The following RSRP1 variants were observed in gnomAD, a reference collection of about 807,000 sequenced individuals.
RSRP1 encodes arginine/serine-rich protein 1.
A neutral mutation model predicts 33.0 loss-of-function variants in RSRP1; 37 were observed. The observed-to-expected ratio is 1.12, with a 90% CI of 0.86 to 1.48. RSRP1 has a LOEUF of 1.48. Among genes scored for constraint, RSRP1 ranks in the 40% most tolerant of loss-of-function variants. RSRP1 has a pLI of 0.00. For synonymous variants in RSRP1, 167 were observed against 158.7 expected, an observed-to-expected ratio of 1.05 and a Z score of -0.40; for missense variants, 402 against 385.3, an observed-to-expected ratio of 1.04 and a Z score of -0.36.
intron 1 of RSRP1, among the ~76,000 whole-genome samples, chr1:25,321,033 G>A (rs548280011): frequency 7.6e-6 from 1 of 131,402 alleles, no homozygotes; most frequent in South Asian, 2.3e-4. Context: ...AACAGAATGA[G>A]ACTCTGTCCC....
At chr1:25,252,893 T>C (rs961572698) in intron 1 of RSRP1, among the ~76,000 whole-genome samples, 2 of 152,128 alleles carry the variant, frequency 1.3e-5, no homozygotes, top group African/African-American at 2.4e-5. Flanking sequence ...CTTTTGTCAT[T>C]GGACTCAAGG....
rs1287033250 is a variant in RSRP1, at chr1:25,299,319, T to C, written c.-67+38659A>G. 1.5e-5 allele frequency among the ~76,000 whole-genome samples: 2 copies of C among 129,706 alleles called. 1 individual carries two copies. Among genetic ancestry groups the C allele is most frequent in the African/African-American group, 5.3e-5 (2 of 37,692 alleles). The allele number at this position is 129,706 out of a possible 152,430, so 85.1% of individuals were successfully genotyped here. ...ATCGCTTGAACCCAACGGGTGGAGG[T>C]TGCAGTGAGCCAAGATGGCACCAGT... On this transcript the variant is annotated intron_variant, in intron 1 of 1. Coordinates refer to the RSRP1 transcript ENST00000561867.
In RSRP1 at chr1:25,306,444, A is replaced by C. The variant is rs1643842321; in HGVS notation, c.-67+31534T>G. 40 of 729,588 alleles carry C rather than the reference A, an allele frequency of 5.5e-5. 1 individual carries two copies. The highest frequency in any genetic ancestry group is 8.7e-5 in the Non-Finnish European group (36 of 414,184). 45.2% of individuals were successfully genotyped at this position (729,588 alleles called of 1,614,324 possible). On this transcript the variant is annotated intron_variant, in intron 1 of 1. Coordinates refer to the RSRP1 transcript ENST00000561867. ...TTTCAACAAACTCCCCGATGATGTG[A>C]GTGCACATTCAAGTCTGAGAAGGGC...
At chr1:25,244,479 G>A in intron 3 of RSRP1, 1 of 1,289,310 alleles carries the variant, frequency 7.8e-7, no homozygotes, top group Non-Finnish European at 1.0e-6. Context: ...ATCAATGTCT[G>A]CAGACCACAT....
intron 3 of RSRP1, chr1:25,244,895 G>A (rs978995705): frequency 8.5e-6 from 11 of 1,287,776 alleles, no homozygotes; most frequent in Non-Finnish European, 1.1e-5. Context: ...CATTGCCCAG[G>A]CTAGTCTTGA....
At chr1:25,284,606 G>T (rs1342457554) in intron 1 of RSRP1, 4 of 1,389,254 alleles carry the variant, frequency 2.9e-6, no homozygotes, top group Non-Finnish European at 4.1e-6. Flanking sequence ...GCGGCCATTG[G>T]CTTGGGCTTC....
rs1384647989 is a variant in RSRP1 at position 25,291,752 on chromosome 1, G to A, written c.-66-44723C>T. Among the ~76,000 whole-genome samples the A allele has an allele frequency of 1.5e-5, 2 of 132,524 alleles. 1 individual carries two copies. The highest frequency in any genetic ancestry group is 3.6e-5 in the Non-Finnish European group (2 of 55,920). The allele number at this position is 132,524 out of a possible 152,430, so 86.9% of individuals were successfully genotyped here. A position where few individuals can be genotyped will look rare whatever the true frequency, so the allele number is the denominator to read the frequency against. On this transcript the variant is annotated intron_variant, in intron 1 of 1. Coordinates refer to the RSRP1 transcript ENST00000561867. ...GTAACTGCATATGTCCTCTCATTGG[G>A]AGAGCCTGTCGAAAGTCTAAATTTG...
intron 1 of RSRP1, among the ~76,000 whole-genome samples, chr1:25,317,845 G>A (rs2124107675): frequency 1.0e-5 from 1 of 97,992 alleles, no homozygotes; most frequent in African/African-American, 3.4e-5. Context: ...TGGTGTGAAT[G>A]GAGTGAGAAG....
chr1:25,295,948 T>G lies in RSRP1; in HGVS notation c.-67+42030A>C, dbSNP rs1425203821. Among the ~76,000 whole-genome samples, 4 of 114,068 alleles carry G rather than the reference T, an allele frequency of 3.5e-5. 1 individual carries two copies. Among genetic ancestry groups the G allele is most frequent in the Non-Finnish European group, 6.1e-5 (3 of 49,134 alleles). 74.8% of individuals were successfully genotyped at this position (114,068 alleles called of 152,430 possible). On this transcript the variant is annotated intron_variant, in intron 1 of 1. Coordinates refer to the RSRP1 transcript ENST00000561867. ...TGCAATCTTGGCTCACTGCAACTTC[T>G]GCCTTCCAGGTTCAAGTGATTCTCC...
At chr1:25,250,409 G>A (rs1480454838), upstream of RSRP1, among the ~76,000 whole-genome samples, 1 of 152,180 alleles carries the variant, frequency 6.6e-6, no homozygotes, top group African/African-American at 2.4e-5. Flanking sequence ...CTGTCTGCTA[G>A]GAGAGAGTCA....
In RSRP1 at chr1:25,242,611, T is replaced by C. The variant is rs1283876233; in HGVS notation, c.851A>G (p.Tyr284Cys). ...SPKIDQKKSP[Y>C]GLWIPI ...CTTTTAGATAGGTATCCACAGTCCA[T>C]ATGGACTTTTTTTCTGATCTATTTT... Residue 284 changes from tyrosine (Y) to cysteine (C), a missense_variant, in exon 5 of 5, where the codon TAT becomes TGT. Transcript: ENST00000243189. 15 of 1,611,018 alleles carry C rather than the reference T, an allele frequency of 9.3e-6. No individual in the cohort carries two copies. In the African/African-American group the frequency reaches 1.2e-4, roughly 13 times the overall value.
Position 25,246,926 on chromosome 1 carries a change from G to T in RSRP1, c.38C>A (p.Pro13Gln). The T allele has an allele frequency of 1.9e-6, 3 of 1,593,580 alleles. No homozygotes were observed. The highest frequency in any genetic ancestry group is 2.6e-6 in the Non-Finnish European group (3 of 1,166,844). The change falls in exon 2 of 5, where the codon CCG becomes CAG. Residue 13 changes from proline (P) to glutamine (Q), a missense_variant. Coordinates refer to ENST00000243189, the MANE Select transcript of RSRP1 (RefSeq NM_020317.5). ...GGTCGAGGGCGAATCCTTCTCCTGC[G>T]GCGAGCCCGGCCACATGTCGTTCAC... The part of the protein sequence containing the change: ...NYVNDMWPGS[P>Q]QEKDSPSTSR...
At position 25,247,376 on chromosome 1, in the gene RSRP1, A is replaced by T. The variant is rs1639549999; in HGVS notation, c.-134T>A. The stretch of plus-strand genomic sequence containing the variant: ...AACAGACGCCTTCCTTTCGGAACGT[A>T]AGACGAAGTGGGGCTTTTAGTCCCT... On this transcript the variant is annotated 5_prime_UTR_variant, in exon 1 of 5. Coordinates refer to ENST00000243189, the MANE Select transcript of RSRP1 (RefSeq NM_020317.5). 1 of 185,346 alleles carries T rather than the reference A, an allele frequency of 5.4e-6. No individual in the cohort carries two copies. 11.5% of individuals were successfully genotyped at this position (185,346 alleles called of 1,614,324 possible).
chr1:25,248,256 T>G (rs1159578853), upstream of RSRP1: 5 of 152,234 alleles, frequency 3.3e-5, no homozygotes. Flanking sequence ...CAAAGGTGAC[T>G]ATTTTACTTC....
intron 2 of RSRP1, chr1:25,246,092 A>G (rs1415794249): frequency 1.4e-5 from 3 of 216,972 alleles, no homozygotes; most frequent in East Asian, 2.1e-4. Flanking sequence ...AATTTTATTC[A>G]GTAATAATGT....
rs1222869209 is a variant in RSRP1, at chr1:25,299,667, G to A, written c.-67+38311C>T. ...TGAGAGTGGATCCTGCAGGGTCGTG[G>A]CAAGAACCTGGACCTTGACTTTGAG... On this transcript the variant is annotated intron_variant, in intron 1 of 1. Coordinates refer to the RSRP1 transcript ENST00000561867. Among the ~76,000 whole-genome samples the A allele has an allele frequency of 6.1e-5, 8 of 131,632 alleles. 1 individual carries two copies. The highest frequency in any genetic ancestry group is 3.6e-5 in the Non-Finnish European group (2 of 55,678). The allele number at this position is 131,632 out of a possible 152,430, so 86.4% of individuals were successfully genotyped here.
intron 1 of RSRP1, among the ~76,000 whole-genome samples, chr1:25,312,944 A>AC (rs1644237195): frequency 2.7e-5 from 3 of 110,032 alleles, no homozygotes; most frequent in Non-Finnish European, 4.4e-5. Context: ...AAAAAAAAAA[A>AC]AAAAAAAAAA....
rs1245599017 is a variant in RSRP1 at position 25,307,991 on chromosome 1, C to A, written c.-67+29987G>T. Among the ~76,000 whole-genome samples the A allele has an allele frequency of 1.6e-5, 2 of 122,858 alleles. 1 individual carries two copies. Among genetic ancestry groups the A allele is most frequent in the Non-Finnish European group, 3.8e-5 (2 of 52,594 alleles). 80.6% of individuals were successfully genotyped at this position (122,858 alleles called of 152,430 possible). On this transcript the variant is annotated intron_variant, in intron 1 of 1. Transcript: ENST00000561867. ...TCTGAAAGATGAGGACTTGACCTAG[C>A]AAGGTCCTACTCACATGCCTGTAGA...
Position 25,303,461 on chromosome 1 carries a change from T to A in RSRP1, c.-67+34517A>T. 11 of 1,378,726 alleles carry A rather than the reference T, an allele frequency of 8.0e-6. 2 individuals carry two copies. Among genetic ancestry groups the A allele is most frequent in the Non-Finnish European group, 1.1e-5 (11 of 978,698 alleles). 85.4% of individuals were successfully genotyped at this position (1,378,726 alleles called of 1,614,324 possible). ...GTCGGGGGAGCCAAGTACCTGCCGGTAAGAAACTAGACAACTAACCTCCTC... is the reference window on the plus strand; with the variant it reads ...GTCGGGGGAGCCAAGTACCTGCCGGAAAGAAACTAGACAACTAACCTCCTC... On this transcript the variant is annotated intron_variant, in intron 1 of 1. Transcript: ENST00000561867.
Sources: gnomAD v4.1 joint callset for allele counts (sites outside exome capture counted in the v4.1 genomes callset) on GRCh38, gnomAD v4.1.1 for gene constraint, MANE v1.5 for transcripts, NCBI Gene and HGNC (gene_info 2026-07-23, HGNC 2026-07-21) for gene names.